TET3: variants seen among roughly 807,000 people sequenced by gnomAD.
TET3 encodes the protein tet methylcytosine dioxygenase 3.
In TET3, 19 loss-of-function variants were observed where a neutral mutation model predicts 141.4. The observed-to-expected ratio is 0.13, with a 90% CI of 0.09 to 0.20. The LOEUF is 0.20. TET3 is among the 10% of genes least tolerant of loss of function. The pLI, the probability that TET3 is intolerant of heterozygous loss-of-function variation, is 1.00. For synonymous variants in TET3, 1,043 were observed against 980.9 expected (o/e 1.06, Z -1.18); for missense variants, 1,874 against 2,356.9 (o/e 0.80, Z 4.24).
chr2:73,986,133 CT>C lies in TET3; in HGVS notation c.-267del. ...AGAACCCACCGGGCCAAGATGATCCCTTTTCTGAGGGCTGCTGCTGGTGTCC... is the reference window on the plus strand; with the variant it reads ...AGAACCCACCGGGCCAAGATGATCCCTTTCTGAGGGCTGCTGCTGGTGTCC... On this transcript the variant is annotated 5_prime_UTR_variant, in exon 2 of 12. It introduces an in-frame stop codon into an upstream open reading frame of the 5' UTR. Transcript: ENST00000409262. 3.1e-6 allele frequency: 1 copy of C among 319,172 alleles called. No individual in the cohort carries two copies. The highest frequency in any genetic ancestry group is 5.7e-6 in the Non-Finnish European group (1 of 175,944). 19.8% of individuals were successfully genotyped at this position (319,172 alleles called of 1,614,324 possible).
At chr2:74,111,113 T>C (rs988018980), downstream of TET3, among the ~76,000 whole-genome samples, 1 of 152,168 alleles carries the variant, frequency 6.6e-6, no homozygotes, top group Non-Finnish European at 1.5e-5. Flanking sequence ...CCGGACTGCA[T>C]AGCCAGGAAC....
At chr2:74,008,406 A>G (rs1205032678) in intron 3 of TET3, among the ~76,000 whole-genome samples, 5 of 152,208 alleles carry the variant, frequency 3.3e-5, no homozygotes, top group African/African-American at 1.2e-4. Flanking sequence ...GGAAGAGAAC[A>G]GTTGGGGAGG....
intron 2 of TET3, among the ~76,000 whole-genome samples, chr2:73,987,752 G>A (rs926750315): frequency 3.9e-5 from 6 of 152,226 alleles, no homozygotes; most frequent in African/African-American, 1.4e-4. Context: ...CTTGGGGGAA[G>A]TGGAAGAGTT....
At chr2:74,113,703 T>A in the TET3 span, among the ~76,000 whole-genome samples, 1 of 151,828 alleles carries the variant, frequency 6.6e-6, no homozygotes, top group South Asian at 2.1e-4. Context: ...TTACAGTAGC[T>A]ACCAAAAAAT....
rs191088911 is a variant in TET3 at position 73,993,074 on chromosome 2, C to T, written c.303+6368C>T. The T allele has an allele frequency of 3.1e-4, 47 of 152,298 alleles. 1 individual carries two copies. The highest frequency in any genetic ancestry group is 1.3e-3 in the Admixed American group (20 of 15,302). The allele number at this position is 152,298 out of a possible 1,614,324, so 9.4% of individuals were successfully genotyped here. On this transcript the variant is annotated intron_variant, in intron 2 of 11. Coordinates refer to ENST00000409262, the MANE Select transcript of TET3 (RefSeq NM_001287491.2). ...ATCAGGGGTTCCACATTGGGATCAC[C>T]TGGGAAACGTAGCAAAACATGGTGC...
At position 74,104,284 on chromosome 2, in the gene TET3, C is replaced by A. The variant is rs1262275942; in HGVS notation, c.*2108C>A. ...AGGACAAAAAAATGAAATATTATTG[C>A]TTTTGAAATAAATACCCAAGAGCTT... On this transcript the variant is annotated 3_prime_UTR_variant, in exon 12 of 12. Transcript: ENST00000409262. 2.0e-5 allele frequency: 3 copies of A among 152,074 alleles called. No homozygotes were observed. Among genetic ancestry groups the A allele is most frequent in the African/African-American group, 7.2e-5 (3 of 41,388 alleles). 9.4% of individuals were successfully genotyped at this position (152,074 alleles called of 1,614,324 possible).
chr2:74,126,437 C>G, the TET3 span, among the ~76,000 whole-genome samples: 5 of 151,440 alleles, frequency 3.3e-5, no homozygotes, highest in Admixed American at 1.3e-4. Context: ...AGGCATTGAT[C>G]TTAGATCTGT....
At chr2:74,019,125 C>T (rs189547523) in intron 3 of TET3, among the ~76,000 whole-genome samples, 26 of 152,180 alleles carry the variant, frequency 1.7e-4, no homozygotes, top group Admixed American at 6.5e-4. Flanking sequence ...GGTGTGGTGG[C>T]GCATGCCTGT....
chr2:74,039,661 G>A (rs759175155), intron 3 of TET3, among the ~76,000 whole-genome samples: 1 of 152,158 alleles, frequency 6.6e-6, no homozygotes, highest in Non-Finnish European at 1.5e-5. Flanking sequence ...AATATTTAGG[G>A]TCTCAGCTAG....
chr2:74,012,024 G>A (rs761940140), intron 3 of TET3, among the ~76,000 whole-genome samples: 2 of 152,170 alleles, frequency 1.3e-5, no homozygotes, highest in East Asian at 1.9e-4. Context: ...GCGGTGGCTC[G>A]ATCTCGGCTC....
At chr2:74,121,193 A>G in the TET3 span, 6 of 152,376 alleles carry the variant, frequency 3.9e-5, no homozygotes, top group Admixed American at 2.6e-4. Flanking sequence ...CAATGGCAGA[A>G]GACGGCAGAC....
At chr2:73,999,003 G>C (rs1684723858) in intron 2 of TET3, among the ~76,000 whole-genome samples, 1 of 152,158 alleles carries the variant, frequency 6.6e-6, no homozygotes, top group Non-Finnish European at 1.5e-5. Context: ...GATGAGAAAT[G>C]TTAGAAGCGC....
intron 3 of TET3, among the ~76,000 whole-genome samples, chr2:74,009,981 C>A (rs1265592054): frequency 6.6e-6 from 1 of 152,220 alleles, no homozygotes; most frequent in Non-Finnish European, 1.5e-5. Flanking sequence ...GCCACTTGTC[C>A]CTGAGCCAGG....
At chr2:74,079,202 C>G (rs1159284877) in intron 5 of TET3, among the ~76,000 whole-genome samples, 1 of 152,196 alleles carries the variant, frequency 6.6e-6, no homozygotes, top group South Asian at 2.1e-4. Context: ...CAAAAATTAG[C>G]TGGGCGTGGT....
intron 4 of TET3, among the ~76,000 whole-genome samples, chr2:74,069,746 C>T (rs137914365): frequency 5.3e-5 from 8 of 152,156 alleles, no homozygotes; most frequent in African/African-American, 1.9e-4. Context: ...ACCAACAAGC[C>T]TGGCTAGGTT....
chr2:74,090,686 C>G (rs1690439386), intron 8 of TET3, among the ~76,000 whole-genome samples: 1 of 152,244 alleles, frequency 6.6e-6, no homozygotes, highest in Non-Finnish European at 1.5e-5. Flanking sequence ...GGGGAAGGCG[C>G]CCTCAGGCTG....
chr2:74,076,448 T>TG (rs1689512715), intron 5 of TET3, among the ~76,000 whole-genome samples: 1 of 138,508 alleles, frequency 7.2e-6, no homozygotes, highest in East Asian at 2.0e-4. Flanking sequence ...TGGGTTTTTT[T>TG]TTTTTTTTTT....
intron 3 of TET3, among the ~76,000 whole-genome samples, chr2:74,044,026 A>G (rs1687483034): frequency 6.6e-6 from 1 of 152,174 alleles, no homozygotes; most frequent in Admixed American, 6.5e-5. Flanking sequence ...AAAATAAATT[A>G]GCTGGGCGTG....
the TET3 span, among the ~76,000 whole-genome samples, chr2:74,119,973 T>C: frequency 6.6e-6 from 1 of 152,264 alleles, no homozygotes; most frequent in Non-Finnish European, 1.5e-5. Flanking sequence ...CTGTGGCCTT[T>C]TGACATTCCT....
Sources: gnomAD v4.1 joint callset for allele counts (sites outside exome capture counted in the v4.1 genomes callset) on GRCh38, gnomAD v4.1.1 for gene constraint, MANE v1.5 for transcripts, NCBI Gene and HGNC (gene_info 2026-07-23, HGNC 2026-07-21) for gene names.